The following TTC29 variants were observed in gnomAD, a reference collection of about 807,000 sequenced individuals.
The protein encoded by TTC29 is tetratricopeptide repeat domain 29, also known as tetratricopeptide repeat protein 29.
In TTC29, 49 loss-of-function variants were observed where a neutral mutation model predicts 58.1. The ratio of observed to expected loss-of-function variants is 0.84; its 90% CI spans 0.67 to 1.07. The LOEUF (loss-of-function observed/expected upper bound fraction) is 1.07. Ranked by LOEUF, TTC29 falls within the 50% of genes least tolerant of loss-of-function variation. The probability of loss-of-function intolerance (pLI) is 0.00; values close to 1 mark genes in which losing one functional copy is unlikely to be tolerated. For synonymous variants in TTC29, 209 were observed against 196.8 expected, an observed-to-expected ratio of 1.06 and a Z score of -0.52; for missense variants, 582 against 555.6, an observed-to-expected ratio of 1.05 and a Z score of -0.48.
intron 11 of TTC29, among the ~76,000 whole-genome samples, chr4:146,797,182 G>A (rs1167856729): frequency 6.6e-6 from 1 of 152,158 alleles, no homozygotes; most frequent in Non-Finnish European, 1.5e-5. Context: ...GGTGGAAACT[G>A]AAGGTGCCTC....
At chr4:146,814,405 A>C (rs1169663288) in intron 10 of TTC29, among the ~76,000 whole-genome samples, 1 of 145,116 alleles carries the variant, frequency 6.9e-6, no homozygotes, top group Non-Finnish European at 1.5e-5. Flanking sequence ...AACACGACAA[A>C]ACCCTGCTTC....
rs138435705 is a variant in TTC29 at position 146,932,820 on chromosome 4, G to T, written c.176+4774C>A. Among the ~76,000 whole-genome samples the T allele has an allele frequency of 4.5e-3, 678 of 152,286 alleles. 6 individuals carry two copies. The highest frequency in any genetic ancestry group is 0.015 in the African/African-American group (614 of 41,546). Reference sequence around the variant, plus strand: ...GCCTGTAGTCCAAGCACTTTGGGAGGCTGAAGTGGGTGGATCACAAGGTCA... The same window carrying T: ...GCCTGTAGTCCAAGCACTTTGGGAGTCTGAAGTGGGTGGATCACAAGGTCA... On this transcript the variant is annotated intron_variant, in intron 4 of 12. Coordinates refer to ENST00000325106, the MANE Select transcript of TTC29 (RefSeq NM_031956.4).
intron 11 of TTC29, among the ~76,000 whole-genome samples, chr4:146,745,854 A>G (rs1284377254): frequency 6.6e-6 from 1 of 152,244 alleles, no homozygotes; most frequent in Non-Finnish European, 1.5e-5. Flanking sequence ...GTGATAGGCT[A>G]ATTTGTTTTT....
At chr4:146,876,851 G>A (rs796500697) in intron 6 of TTC29, among the ~76,000 whole-genome samples, 16 of 149,054 alleles carry the variant, frequency 1.1e-4, no homozygotes, top group African/African-American at 3.0e-4. Context: ...CAGGGGAATC[G>A]CTTGAACCCA....
chr4:146,707,290 C>T (rs1277652652), intron 12 of TTC29, 102 bp from the exon 13 acceptor site: 2 of 902,318 alleles, frequency 2.2e-6, no homozygotes, highest in Non-Finnish European at 3.2e-6. Context: ...TCAGATGTGG[C>T]TTCAAAATTA....
At chr4:146,886,513 G>A (rs992978831) in intron 6 of TTC29, among the ~76,000 whole-genome samples, 4 of 152,172 alleles carry the variant, frequency 2.6e-5, no homozygotes, top group Non-Finnish European at 5.9e-5. Flanking sequence ...CCCACTGATA[G>A]AATGGGATAC....
intron 11 of TTC29, among the ~76,000 whole-genome samples, chr4:146,784,540 C>T (rs1748863677): frequency 6.6e-6 from 1 of 152,018 alleles, no homozygotes; most frequent in Admixed American, 6.6e-5. Context: ...GCAGAGCCCT[C>T]ATAAATGGGA....
intron 8 of TTC29, among the ~76,000 whole-genome samples, chr4:146,852,315 G>A (rs1458876841): frequency 6.6e-6 from 1 of 152,172 alleles, no homozygotes; most frequent in East Asian, 1.9e-4. Flanking sequence ...CATTTATATG[G>A]GAAACTTGTG....
chr4:146,782,428 A>G (rs764584577), intron 11 of TTC29, among the ~76,000 whole-genome samples: 1 of 151,954 alleles, frequency 6.6e-6, no homozygotes, highest in Non-Finnish European at 1.5e-5. Flanking sequence ...ATTGAATAGC[A>G]AGATAAAATG....
At chr4:146,845,874 A>G (rs1729135401) in intron 8 of TTC29, among the ~76,000 whole-genome samples, 1 of 151,798 alleles carries the variant, frequency 6.6e-6, no homozygotes, top group Non-Finnish European at 1.5e-5. Context: ...CACTCACCAC[A>G]TTGTGAAACA....
rs10678715 is a variant in TTC29 at position 146,713,111 on chromosome 4, CGTGTGT to C, written c.1331-5566_1331-5561del. ...GAGCAGAGAAGGTGGGAGAATTGATCGTGTGTGTGTGTGTGTGTGTGTGTGTGTGTA... is the reference window on the plus strand; with the variant it reads ...GAGCAGAGAAGGTGGGAGAATTGATCGTGTGTGTGTGTGTGTGTGTGTGTA... On this transcript the variant is annotated intron_variant, in intron 11 of 12. Transcript: ENST00000325106. Among the ~76,000 whole-genome samples, 277 of 139,644 alleles carry C rather than the reference CGTGTGT, an allele frequency of 2.0e-3. 2 individuals are homozygous for C. The highest frequency in any genetic ancestry group is 3.0e-3 in the Non-Finnish European group (194 of 65,300). 91.6% of individuals were successfully genotyped at this position (139,644 alleles called of 152,430 possible). A position where few individuals can be genotyped will look rare whatever the true frequency, so the allele number is the denominator to read the frequency against.
intron 11 of TTC29, among the ~76,000 whole-genome samples, chr4:146,763,171 T>C (rs900859312): frequency 5.3e-5 from 8 of 152,150 alleles, no homozygotes; most frequent in Non-Finnish European, 1.0e-4. Flanking sequence ...CAGTTCCCTG[T>C]TGCTTGTACT....
chr4:146,865,388 T>C (rs1293736880), intron 8 of TTC29, among the ~76,000 whole-genome samples: 1 of 152,198 alleles, frequency 6.6e-6, no homozygotes, highest in Non-Finnish European at 1.5e-5. Flanking sequence ...GGATATCATG[T>C]AGACCCCTTA....
At chr4:146,902,175 C>T (rs1733192663) in intron 6 of TTC29, among the ~76,000 whole-genome samples, 3 of 152,162 alleles carry the variant, frequency 2.0e-5, no homozygotes. Context: ...TCTTTTCCCT[C>T]CTCTGACAGT....
intron 11 of TTC29, among the ~76,000 whole-genome samples, chr4:146,736,536 G>A (rs527732219): frequency 1.3e-5 from 2 of 152,290 alleles, no homozygotes; most frequent in South Asian, 4.2e-4. Flanking sequence ...AGCCCACACA[G>A]TACAGAGTAG....
chr4:146,828,276 G>T (rs192857270), intron 9 of TTC29, among the ~76,000 whole-genome samples: 32 of 152,190 alleles, frequency 2.1e-4, no homozygotes, highest in African/African-American at 7.7e-4. Flanking sequence ...GAAACTAAAA[G>T]TTATTGAGAG....
intron 11 of TTC29, among the ~76,000 whole-genome samples, chr4:146,753,238 A>C (rs1276279056): frequency 6.6e-6 from 1 of 151,646 alleles, no homozygotes; most frequent in Non-Finnish European, 1.5e-5. Context: ...AAAAGTGGGC[A>C]AAGGATATGA....
chr4:146,888,852 C>G (rs1466765597), intron 6 of TTC29, among the ~76,000 whole-genome samples: 2 of 152,102 alleles, frequency 1.3e-5, no homozygotes. Context: ...TAAGAGCAGA[C>G]AGCGTCTGCT....
chr4:146,715,490 T>A (rs1742862576), intron 11 of TTC29, among the ~76,000 whole-genome samples: 1 of 152,270 alleles, frequency 6.6e-6, no homozygotes, highest in East Asian at 1.9e-4. Context: ...GAACATTATG[T>A]TCAGTGAAAT....
Sources: allele counts gnomAD v4.1 joint callset (sites outside exome capture counted in the v4.1 genomes callset), GRCh38; gene constraint gnomAD v4.1.1; transcripts MANE v1.5; gene names NCBI Gene and HGNC (gene_info 2026-07-23, HGNC 2026-07-21).